The following SNORD118 variants were observed in gnomAD, a reference collection of about 807,000 sequenced individuals.
The protein encoded by SNORD118 is small nucleolar RNA, C/D box 118.
exon 1 of SNORD118, chr17:8,173,472 G>C (rs190182110): frequency 9.0e-5 from 69 of 764,520 alleles, no homozygotes; most frequent in Non-Finnish European, 1.1e-4. Flanking sequence ...GGAGCAATCA[G>C]GGTGTTGCAA....
At chr17:8,173,573 T>TA (rs748347832) in exon 1 of SNORD118, 11 of 764,710 alleles carry the variant, frequency 1.4e-5, no homozygotes, top group Middle Eastern at 2.2e-4. Context: ...AGGTAAGGAT[T>TA]ATCCCACCTG....
exon 1 of SNORD118, chr17:8,173,554 A>AC (rs755735189): frequency 2.6e-6 from 2 of 765,360 alleles, no homozygotes; most frequent in Non-Finnish European, 4.8e-6. Flanking sequence ...TGCCCTCCGG[A>AC]GGAGGAACAG....
chr17:8,173,535 G>GTTCTAATC (rs747108869), exon 1 of SNORD118: 22 of 765,284 alleles, frequency 2.9e-5, no homozygotes. Context: ...CAATCATCAT[G>GTTCTAATC]TTCTAATCTG....
chr17:8,173,519 C>A (rs186410337), exon 1 of SNORD118: 2 of 765,372 alleles, frequency 2.6e-6, no homozygotes, highest in South Asian at 1.3e-5. Context: ...ACGTTTCATG[C>A]ATCTCCAATC....
rs202130315 is a variant in SNORD118, at chr17:8,173,582, T to C, written n.6A>G. 7.8e-6 allele frequency: 6 copies of C among 764,370 alleles called. No homozygotes were observed. Among genetic ancestry groups the C allele is most frequent in the Middle Eastern group, 2.3e-4 (1 of 4,434 alleles). The allele number at this position is 764,370 out of a possible 1,614,324, so 47.3% of individuals were successfully genotyped here. ...AGGAACAGGTAAGGATTATCCCACC[T>C]GACGATACAGACAAACAGCCGACAT... is the stretch of plus-strand genomic sequence containing the variant. On this transcript the variant is annotated non_coding_transcript_exon_variant, in exon 1 of 1. Coordinates refer to ENST00000363593, the Ensembl canonical transcript of SNORD118.
chr17:8,173,512 T>A, exon 1 of SNORD118: 1 of 765,312 alleles, frequency 1.3e-6, no homozygotes, highest in Non-Finnish European at 2.4e-6. Flanking sequence ...GTTAATCACG[T>A]TTCATGCATC....
exon 1 of SNORD118, chr17:8,173,582 T>A (rs202130315): frequency 2.0e-5 from 15 of 764,250 alleles, no homozygotes; most frequent in Non-Finnish European, 2.9e-5. Context: ...TTATCCCACC[T>A]GACGATACAG....
exon 1 of SNORD118, chr17:8,173,523 T>A (rs551698259): frequency 1.3e-6 from 1 of 765,376 alleles, no homozygotes; most frequent in Admixed American, 1.7e-5. Flanking sequence ...TTCATGCATC[T>A]CCAATCATCA....
In SNORD118 at chr17:8,173,455, T is replaced by C. The variant is rs758058586; in HGVS notation, n.133A>G. On this transcript the variant is annotated non_coding_transcript_exon_variant, in exon 1 of 1. Coordinates refer to ENST00000363593, the Ensembl canonical transcript of SNORD118. ...AAATGTAAGTGATCGTCAGAAAGAATCAGACAGGAGCAATCAGGGTGTTGC... is the reference window on the plus strand; with the variant it reads ...AAATGTAAGTGATCGTCAGAAAGAACCAGACAGGAGCAATCAGGGTGTTGC... The C allele has an allele frequency of 3.9e-6, 3 of 763,102 alleles. No individual in the cohort carries two copies. The highest frequency in any genetic ancestry group is 7.2e-6 in the Non-Finnish European group (3 of 417,296). The allele number at this position is 763,102 out of a possible 1,614,324, so 47.3% of individuals were successfully genotyped here. A position where few individuals can be genotyped will look rare whatever the true frequency, so the allele number is the denominator to read the frequency against.
In SNORD118 at chr17:8,173,515, C is replaced by T. The variant is rs372721948; in HGVS notation, n.73G>A. The T allele has an allele frequency of 5.0e-5, 38 of 765,248 alleles. No individual in the cohort carries two copies. The highest frequency in any genetic ancestry group is 2.3e-4 in the Middle Eastern group (1 of 4,382). 47.4% of individuals were successfully genotyped at this position (765,248 alleles called of 1,614,324 possible). A position where few individuals can be genotyped will look rare whatever the true frequency, so the allele number is the denominator to read the frequency against. On this transcript the variant is annotated non_coding_transcript_exon_variant, in exon 1 of 1. Coordinates refer to ENST00000363593, the Ensembl canonical transcript of SNORD118. ...TTACGCAGAGACGTTAATCACGTTT[C>T]ATGCATCTCCAATCATCATGTTCTA... is the stretch of plus-strand genomic sequence containing the variant.
In SNORD118 at chr17:8,173,484, T is replaced by C. The variant is rs9901637; in HGVS notation, n.104A>G. The C allele has an allele frequency of 7.2e-3, 5,528 of 764,250 alleles. 222 individuals carry two copies. In the African/African-American group the frequency reaches 0.082, roughly 11 times the overall value. The allele number at this position is 764,250 out of a possible 1,614,324, so 47.3% of individuals were successfully genotyped here. A position where few individuals can be genotyped will look rare whatever the true frequency, so the allele number is the denominator to read the frequency against. On this transcript the variant is annotated non_coding_transcript_exon_variant, in exon 1 of 1. Transcript: ENST00000363593. ...ACAGGAGCAATCAGGGTGTTGCAAG[T>C]CCTGATTACGCAGAGACGTTAATCA...
At chr17:8,173,466 C>CA in exon 1 of SNORD118, 1 of 764,296 alleles carries the variant, frequency 1.3e-6, no homozygotes, top group Non-Finnish European at 2.4e-6. Context: ...CAGACAGGAG[C>CA]AATCAGGGTG....
exon 1 of SNORD118, chr17:8,173,483 G>GACC: frequency 2.6e-6 from 2 of 764,976 alleles, no homozygotes; most frequent in African/African-American, 1.7e-5. Context: ...GGTGTTGCAA[G>GACC]TCCTGATTAC....
chr17:8,173,510 C>A, exon 1 of SNORD118: 1 of 765,302 alleles, frequency 1.3e-6, no homozygotes, highest in Non-Finnish European at 2.4e-6. Flanking sequence ...ACGTTAATCA[C>A]GTTTCATGCA....
chr17:8,173,501 C>A (rs750367625), exon 1 of SNORD118: 1 of 765,106 alleles, frequency 1.3e-6, no homozygotes, highest in Non-Finnish European at 2.4e-6. Context: ...TACGCAGAGA[C>A]GTTAATCACG....
Position 8,173,528 on chromosome 17 carries a change from T to TA in SNORD118, n.59_60insT, listed in dbSNP as rs757706428. 6 of 765,284 alleles carry TA rather than the reference T, an allele frequency of 7.8e-6. No individual in the cohort carries two copies. In the African/African-American group the frequency reaches 8.5e-5, roughly 11 times the overall value. The allele number at this position is 765,284 out of a possible 1,614,324, so 47.4% of individuals were successfully genotyped here. A position where few individuals can be genotyped will look rare whatever the true frequency, so the allele number is the denominator to read the frequency against. ...TTAATCACGTTTCATGCATCTCCAA[T>TA]CATCATGTTCTAATCTGCCCTCCGG... On this transcript the variant is annotated non_coding_transcript_exon_variant, in exon 1 of 1. Transcript: ENST00000363593.
At chr17:8,173,536 T>TG (rs757824735) in exon 1 of SNORD118, 1 of 765,304 alleles carries the variant, frequency 1.3e-6, no homozygotes, top group Non-Finnish European at 2.4e-6. Flanking sequence ...AATCATCATG[T>TG]TCTAATCTGC....
At chr17:8,173,453 A>G, downstream of SNORD118, 1 of 763,266 alleles carries the variant, frequency 1.3e-6, no homozygotes, top group Non-Finnish European at 2.4e-6. Context: ...CGTCAGAAAG[A>G]ATCAGACAGG....
chr17:8,173,482 A>T (rs377598768), exon 1 of SNORD118: 4 of 764,890 alleles, frequency 5.2e-6, no homozygotes, highest in African/African-American at 1.7e-5. Flanking sequence ...GGGTGTTGCA[A>T]GTCCTGATTA....
Sources: allele counts gnomAD v4.1 joint callset, GRCh38; gene constraint gnomAD v4.1.1; transcripts MANE v1.5; gene names NCBI Gene and HGNC (gene_info 2026-07-23, HGNC 2026-07-21).